ANK2: variants seen among roughly 807,000 people sequenced by gnomAD.
ANK2 encodes ankyrin 2.
A neutral mutation model predicts 360.5 loss-of-function variants in ANK2; 83 were observed. The ratio of observed to expected loss-of-function variants is 0.23; its 90% confidence interval spans 0.19 to 0.28. The LOEUF (loss-of-function observed/expected upper bound fraction) is 0.28. Among genes scored for constraint, ANK2 ranks in the 10% least tolerant of loss-of-function variants. The pLI is 1.00. For synonymous variants in ANK2, 1,740 were observed against 1,759.5 expected (o/e 0.99, Z 0.28); for missense variants, 4,201 against 4,795.7 (o/e 0.88, Z 3.66).
At chr4:113,023,595 TGCCATAA>T (rs2154299231) in intron 2 of ANK2, among the ~76,000 whole-genome samples, 1 of 152,272 alleles carries the variant, frequency 6.6e-6, no homozygotes, top group East Asian at 1.9e-4. Flanking sequence ...GCACCACCTC[TGCCATAA>T]GATAGCACCA....
chr4:112,936,626 G>A (rs540591515), intron 2 of ANK2, among the ~76,000 whole-genome samples: 79 of 152,274 alleles, frequency 5.2e-4, no homozygotes, highest in African/African-American at 1.7e-3. Flanking sequence ...TTACAGGCGT[G>A]AGCCACCACG....
At chr4:112,720,649 G>A in the ANK2 span, among the ~76,000 whole-genome samples, 1 of 152,150 alleles carries the variant, frequency 6.6e-6, no homozygotes, top group African/African-American at 2.4e-5. Flanking sequence ...AATATAACAG[G>A]TGCTCAATGA....
chr4:113,233,208 C>T (rs1269029905), intron 5 of ANK2, among the ~76,000 whole-genome samples: 1 of 141,822 alleles, frequency 7.1e-6, no homozygotes, highest in Non-Finnish European at 1.5e-5. Flanking sequence ...GATCTCGGCT[C>T]ACTGCAAGCT....
At chr4:112,863,713 G>C (rs935198164) in intron 1 of ANK2, among the ~76,000 whole-genome samples, 1 of 151,740 alleles carries the variant, frequency 6.6e-6, no homozygotes, top group African/African-American at 2.4e-5. Flanking sequence ...TAGTAGAGAC[G>C]GGGTTGCACC....
At chr4:112,782,770 G>A in the ANK2 span, among the ~76,000 whole-genome samples, 1 of 151,918 alleles carries the variant, frequency 6.6e-6, no homozygotes, top group Non-Finnish European at 1.5e-5. Context: ...TCAGGAGGCT[G>A]AGGCAGGAGG....
At chr4:112,926,811 G>A (rs949381326) in intron 2 of ANK2, among the ~76,000 whole-genome samples, 1 of 152,130 alleles carries the variant, frequency 6.6e-6, no homozygotes, top group African/African-American at 2.4e-5. Context: ...TAGCAAAATC[G>A]TTTCAGTATT....
rs143985655 is a variant in ANK2 at position 113,369,743 on chromosome 4, G to A, written c.11548G>A (p.Glu3850Lys). 3.7e-6 allele frequency: 6 copies of A among 1,614,100 alleles called. No individual in the cohort carries two copies. The highest frequency in any genetic ancestry group is 4.2e-6 in the Non-Finnish European group (5 of 1,180,014). The change falls in exon 43 of 46, where the codon GAG becomes AAG. Residue 3850 changes from glutamate (E) to lysine (K), a missense_variant. Coordinates refer to ENST00000357077, the MANE Select transcript of ANK2 (RefSeq NM_001148.6). ...SPRKTSLVIV[E>K]SADNQPETCE... is the part of the protein sequence containing the mutation. ...GCGGAAAACCAGCCTCGTAATAGTG[G>A]AGTCTGCCGATAACCAGCCTGAGAC...
At chr4:112,941,276 T>C (rs2094181615) in intron 2 of ANK2, among the ~76,000 whole-genome samples, 1 of 148,076 alleles carries the variant, frequency 6.8e-6, no homozygotes, top group Non-Finnish European at 1.5e-5. Context: ...AAAAGATATA[T>C]AGGTATATAT....
At chr4:112,926,905 A>G (rs2092626060) in intron 2 of ANK2, among the ~76,000 whole-genome samples, 1 of 152,188 alleles carries the variant, frequency 6.6e-6, no homozygotes, top group Admixed American at 6.6e-5. Flanking sequence ...TTTATTAAGG[A>G]AAGAGGTTTA....
intron 35 of ANK2, 130 bp downstream of exon 35, chr4:113,346,152 C>A: frequency 2.0e-6 from 2 of 1,024,076 alleles, no homozygotes; most frequent in Non-Finnish European, 3.0e-6. Flanking sequence ...AAATGAATAC[C>A]AACAAAGACT....
chr4:113,051,940 G>A (rs2067242443), intron 1 of ANK2, among the ~76,000 whole-genome samples: 1 of 152,106 alleles, frequency 6.6e-6, no homozygotes, highest in South Asian at 2.1e-4. Flanking sequence ...ATTGCAATAA[G>A]CCTTTTAAGA....
chr4:113,354,135 T>C lies in ANK2; in HGVS notation c.5517T>C (p.Thr1839=). 2 of 1,614,050 alleles carry C rather than the reference T, an allele frequency of 1.2e-6. No individual in the cohort carries two copies. Among genetic ancestry groups the C allele is most frequent in the South Asian group, 2.2e-5 (2 of 91,074 alleles). Residue 1839 remains threonine (T), a synonymous_variant, in exon 38 of 46, where the codon ACT becomes ACC. Coordinates refer to ENST00000357077, the MANE Select transcript of ANK2 (RefSeq NM_001148.6). ...CTACTCTTTCCTCTTCCGCAAAAAC[T>C]GAAAGGCACCCTCCAGTATCACCAT... ...RHSTLSSSAK[T]ERHPPVSPSS...
chr4:112,764,051 C>G, the ANK2 span, among the ~76,000 whole-genome samples: 1 of 152,044 alleles, frequency 6.6e-6, no homozygotes, highest in East Asian at 1.9e-4. Flanking sequence ...TCAAGCAATT[C>G]TCTGCCTCAG....
At chr4:113,020,913 T>C (rs1223649916) in intron 2 of ANK2, among the ~76,000 whole-genome samples, 1 of 152,078 alleles carries the variant, frequency 6.6e-6, no homozygotes, top group Non-Finnish European at 1.5e-5. Context: ...ATTTAGAGGA[T>C]AAGGATATAA....
In ANK2 at chr4:112,992,596, G is replaced by A. The variant is rs1306113087; in HGVS notation, c.21+88082G>A. On this transcript the variant is annotated intron_variant, in intron 2 of 30. Coordinates refer to the ANK2 transcript ENST00000503271. ...TTGAGTTGTGCGTGCCAGTATGATC[G>A]GGTTCTGACAAGGGCTTTCTTTCTA... 2.6e-5 allele frequency among the ~76,000 whole-genome samples: 4 copies of A among 152,132 alleles called. No individual in the cohort carries two copies. In the South Asian group the frequency reaches 6.2e-4, roughly 24 times the overall value.
intron 8 of ANK2, among the ~76,000 whole-genome samples, chr4:113,241,240 A>G (rs566923005): frequency 6.6e-6 from 1 of 152,364 alleles, no homozygotes; most frequent in Non-Finnish European, 1.5e-5. Flanking sequence ...ATTTGTATGT[A>G]TAATGTTTTT....
chr4:113,360,275 T>C (rs978397273), intron 38 of ANK2, among the ~76,000 whole-genome samples: 68 of 152,264 alleles, frequency 4.5e-4, no homozygotes, highest in African/African-American at 1.6e-3. Flanking sequence ...TGCATATGCT[T>C]TTATCCTCGT....
At chr4:113,266,092 T>A (rs940568925) in intron 14 of ANK2, among the ~76,000 whole-genome samples, 4 of 152,238 alleles carry the variant, frequency 2.6e-5, no homozygotes, top group Admixed American at 1.3e-4. Flanking sequence ...TTTCTCCTAA[T>A]GCTATTTCTC....
chr4:113,325,836 T>C (rs2089509921), intron 26 of ANK2, among the ~76,000 whole-genome samples: 1 of 152,182 alleles, frequency 6.6e-6, no homozygotes, highest in African/African-American at 2.4e-5. Context: ...TAACCTTAAG[T>C]GGTAACAGGA....
Sources: allele counts gnomAD v4.1 joint callset (sites outside exome capture counted in the v4.1 genomes callset), GRCh38; gene constraint gnomAD v4.1.1; transcripts MANE v1.5; gene names NCBI Gene and HGNC (gene_info 2026-07-23, HGNC 2026-07-21).